FBXW11: variants seen among roughly 807,000 people sequenced by gnomAD.
FBXW11 encodes the protein F-box and WD repeat domain containing 11, also known as F-box/WD repeat-containing protein 11.
Under a neutral mutation model 77.6 loss-of-function variants are expected in FBXW11, and 19 were observed. The observed-to-expected ratio is 0.24, with a 90% CI of 0.17 to 0.36. The LOEUF (loss-of-function observed/expected upper bound fraction) is 0.36. FBXW11 is among the 10% of genes least tolerant of loss of function. The pLI, the probability that FBXW11 is intolerant of heterozygous loss-of-function variation, is 1.00. For synonymous variants in FBXW11, 235 were observed against 249.4 expected, an observed-to-expected ratio of 0.94 and a Z score of 0.54; for missense variants, 334 against 704.2, an observed-to-expected ratio of 0.47 and a Z score of 5.95.
At chr5:171,933,130 CAAAAAAA>C (rs774171489) in intron 2 of FBXW11, among the ~76,000 whole-genome samples, 128 of 36,822 alleles carry the variant, frequency 3.5e-3, no homozygotes, top group South Asian at 6.9e-3. Context: ...GACCTTCTCT[CAAAAAAA>C]AAAAAAAAAA....
chr5:171,954,780 G>A (rs866262954), intron 2 of FBXW11, among the ~76,000 whole-genome samples: 48 of 152,154 alleles, frequency 3.2e-4, no homozygotes, highest in South Asian at 4.1e-4. Flanking sequence ...GAATTTGGCA[G>A]GTTTTTCTTT....
At chr5:171,988,356 A>G (rs1209352155) in intron 1 of FBXW11, among the ~76,000 whole-genome samples, 1 of 152,140 alleles carries the variant, frequency 6.6e-6, no homozygotes, top group South Asian at 2.1e-4. Flanking sequence ...AACAAAAAAA[A>G]CAGTGATGGG....
chr5:171,892,830 A>G (rs777769177), intron 6 of FBXW11, among the ~76,000 whole-genome samples: 4 of 152,248 alleles, frequency 2.6e-5, no homozygotes, highest in Non-Finnish European at 4.4e-5. Flanking sequence ...AGTTCAGGAT[A>G]TAGTTTCTCT....
chr5:171,957,823 G>C (rs189734766), intron 1 of FBXW11, 125 bp from the exon 2 acceptor site: 43 of 771,896 alleles, frequency 5.6e-5, no homozygotes, highest in South Asian at 3.5e-4. Context: ...TTGGAGGTTA[G>C]GGATGGTCCC....
chr5:171,936,401 G>A (rs879301574), intron 2 of FBXW11, among the ~76,000 whole-genome samples: 3 of 150,474 alleles, frequency 2.0e-5, no homozygotes, highest in African/African-American at 4.9e-5. Flanking sequence ...TGAGGCGGGC[G>A]GCCCCAATCA....
chr5:171,906,897 A>G (rs1029521047), intron 4 of FBXW11, among the ~76,000 whole-genome samples: 1 of 152,214 alleles, frequency 6.6e-6, no homozygotes, highest in Non-Finnish European at 1.5e-5. Flanking sequence ...TTTATGGTCC[A>G]TAATGGCTTA....
intron 1 of FBXW11, among the ~76,000 whole-genome samples, chr5:172,001,063 G>A (rs932997340): frequency 6.6e-6 from 1 of 152,140 alleles, no homozygotes; most frequent in African/African-American, 2.4e-5. Flanking sequence ...ATATGTCTAT[G>A]GATGTCCTAT....
chr5:171,872,800 T>G lies in FBXW11; in HGVS notation c.1340+72A>C, dbSNP rs566212117. On this transcript the variant is annotated intron_variant, in intron 10 of 13. Transcript: ENST00000517395. ...CATTTACCCTGAGTTGTTTTGAGCA[T>G]TAGAACTAGGAGATGAGTCAACAAT... 2.4e-4 allele frequency: 261 copies of G among 1,082,600 alleles called. 2 individuals are homozygous for G. The Admixed American group carries it at 3.5e-3, about 14-fold the overall frequency. The allele number at this position is 1,082,600 out of a possible 1,614,324, so 67.1% of individuals were successfully genotyped here. A position where few individuals can be genotyped will look rare whatever the true frequency, so the allele number is the denominator to read the frequency against.
chr5:171,951,804 T>C (rs1328478065), intron 2 of FBXW11, among the ~76,000 whole-genome samples: 1 of 152,108 alleles, frequency 6.6e-6, no homozygotes, highest in African/African-American at 2.4e-5. Context: ...TGTTTAAAAA[T>C]TTTTTAATGC....
chr5:171,928,760 C>T lies in FBXW11; in HGVS notation c.148-14355G>A, dbSNP rs567612882. 3.3e-5 allele frequency among the ~76,000 whole-genome samples: 5 copies of T among 152,318 alleles called. No individual in the cohort carries two copies. In the South Asian group the frequency reaches 1.0e-3, roughly 32 times the overall value. ...GACAAAGCTAGAATATCCATTCACA[C>T]TTCTAGTGTGAATTCAAATTTGTGA... On this transcript the variant is annotated intron_variant, in intron 2 of 13. Coordinates refer to ENST00000517395, the MANE Select transcript of FBXW11 (RefSeq NM_001378974.1).
At chr5:171,966,206 AG>A (rs1161901681) in intron 1 of FBXW11, among the ~76,000 whole-genome samples, 1 of 152,234 alleles carries the variant, frequency 6.6e-6, no homozygotes, top group Admixed American at 6.5e-5. Context: ...TTCTTTTACC[AG>A]GAATTAATTT....
Position 171,905,497 on chromosome 5 carries a change from C to CA in FBXW11, c.436+5074dup, listed in dbSNP as rs544595225. Among the ~76,000 whole-genome samples, 4 of 152,154 alleles carry CA rather than the reference C, an allele frequency of 2.6e-5. No homozygotes were observed. The South Asian group carries it at 8.3e-4, about 32-fold the overall frequency. On this transcript the variant is annotated intron_variant, in intron 4 of 13. Transcript: ENST00000517395. ...TGTTCTACTCTCCCCCAAATCCTCT[C>CA]AGCAGATATCAATGGACAAGGCCGA...
At chr5:171,864,968 A>G (rs559535185) in intron 13 of FBXW11, among the ~76,000 whole-genome samples, 49 of 152,028 alleles carry the variant, frequency 3.2e-4, no homozygotes, top group Admixed American at 2.6e-3. Context: ...GGTGGCAAAA[A>G]AAAAAAAAAA....
chr5:171,902,219 G>A (rs979365713), intron 4 of FBXW11, among the ~76,000 whole-genome samples: 1 of 152,168 alleles, frequency 6.6e-6, no homozygotes. Context: ...TACTAGCCTG[G>A]TAACTTTATC....
At position 172,006,502 on chromosome 5, in the gene FBXW11, TGGCGGCCCC is replaced by T. The variant is rs746007146; in HGVS notation, c.-9_-1del. 6.6e-6 allele frequency: 10 copies of T among 1,515,366 alleles called. No individual in the cohort carries two copies. Among genetic ancestry groups the T allele is most frequent in the East Asian group, 5.5e-5 (2 of 36,100 alleles). The allele number at this position is 1,515,366 out of a possible 1,614,324, so 93.9% of individuals were successfully genotyped here. A position where few individuals can be genotyped will look rare whatever the true frequency, so the allele number is the denominator to read the frequency against. On this transcript the variant is annotated 5_prime_UTR_variant, in exon 1 of 14. Coordinates refer to ENST00000517395, the MANE Select transcript of FBXW11 (RefSeq NM_001378974.1). ...TCCTCAATCACCGAGTCGGGCTCCA[TGGCGGCCCC>T]GGCGGCCCCGCCTCGCTCTCCCCGC...
intron 2 of FBXW11, among the ~76,000 whole-genome samples, chr5:171,916,229 A>G (rs1402892033): frequency 6.9e-6 from 1 of 144,368 alleles, no homozygotes; most frequent in African/African-American, 2.5e-5. Context: ...CCTAGAACTT[A>G]AAGTATAATT....
intron 2 of FBXW11, among the ~76,000 whole-genome samples, chr5:171,944,306 G>A (rs1433870541): frequency 6.6e-6 from 1 of 151,872 alleles, no homozygotes; most frequent in East Asian, 1.9e-4. Context: ...GCCGGGCGCT[G>A]TGGCTCACAC....
intron 7 of FBXW11, among the ~76,000 whole-genome samples, chr5:171,883,848 ATTGT>A (rs1261195705): frequency 4.7e-5 from 7 of 150,342 alleles, no homozygotes; most frequent in African/African-American, 9.8e-5. Flanking sequence ...TTTTGATGGG[ATTGT>A]TTGTTTTTTT....
At chr5:171,943,294 T>C (rs1027555950) in intron 2 of FBXW11, among the ~76,000 whole-genome samples, 2 of 151,932 alleles carry the variant, frequency 1.3e-5, no homozygotes, top group Admixed American at 6.6e-5. Flanking sequence ...GATATAAGAG[T>C]GATTCTGTTT....
Sources: gnomAD v4.1 joint callset for allele counts (sites outside exome capture counted in the v4.1 genomes callset) on GRCh38, gnomAD v4.1.1 for gene constraint, MANE v1.5 for transcripts, NCBI Gene and HGNC (gene_info 2026-07-23, HGNC 2026-07-21) for gene names.